The following ELMO1 variants were observed in gnomAD, a reference collection of about 807,000 sequenced individuals.
ELMO1 encodes engulfment and cell motility 1, also known as engulfment and cell motility protein 1.
A neutral mutation model predicts 98.9 loss-of-function variants in ELMO1; 26 were observed. That is an observed-to-expected ratio of 0.26 (90% CI 0.19 to 0.36). The LOEUF is 0.36. Among genes scored for constraint, ELMO1 ranks in the 10% least tolerant of loss-of-function variants. The pLI is 1.00. For missense variants in ELMO1, 627 were observed against 935.2 expected, an observed-to-expected ratio of 0.67 and a Z score of 4.30; for synonymous variants, 346 against 346.0, an observed-to-expected ratio of 1.00 and a Z score of 0.00.
chr7:36,992,419 T>C (rs545179713), intron 16 of ELMO1, among the ~76,000 whole-genome samples: 1 of 152,374 alleles, frequency 6.6e-6, no homozygotes. Context: ...GGTGAAATTC[T>C]GTGTTTATCA....
Position 37,033,061 on chromosome 7 carries a change from A to G in ELMO1, c.1301-19626T>C, listed in dbSNP as rs953583168. Among the ~76,000 whole-genome samples, 4 of 152,220 alleles carry G rather than the reference A, an allele frequency of 2.6e-5. No homozygotes were observed. In the East Asian group the frequency reaches 7.7e-4, roughly 29 times the overall value. On this transcript the variant is annotated intron_variant, in intron 15 of 21. Coordinates refer to ENST00000310758, the MANE Select transcript of ELMO1 (RefSeq NM_014800.11). ...ATATTTCTGAATGTGTTTTTCCTTC[A>G]GAATAATTTACTAGTCAGGCTCATC...
chr7:37,399,464 T>G (rs1177515383), intron 1 of ELMO1, among the ~76,000 whole-genome samples: 1 of 152,112 alleles, frequency 6.6e-6, no homozygotes, highest in Admixed American at 6.5e-5. Context: ...ACCAGGCACA[T>G]GTTATTCCTC....
intron 2 of ELMO1, among the ~76,000 whole-genome samples, chr7:37,325,322 C>T (rs75984944): frequency 0.014 from 2,075 of 152,314 alleles, 59 homozygotes; most frequent in African/African-American, 0.048. Context: ...CTCCCAGGCG[C>T]GTGGCTGCTG....
At chr7:37,304,765 T>C (rs2723996) in intron 4 of ELMO1, among the ~76,000 whole-genome samples, 69,218 of 151,996 alleles carry the variant, frequency 0.46, 16,231 homozygotes, top group Middle Eastern at 0.64. Context: ...TCACGATTTC[T>C]GTGTTGCAAG....
chr7:37,135,855 C>G (rs910913963), intron 13 of ELMO1, among the ~76,000 whole-genome samples: 1 of 152,152 alleles, frequency 6.6e-6, no homozygotes, highest in Non-Finnish European at 1.5e-5. Context: ...AGCTAACCAG[C>G]AATGGATCCA....
At chr7:36,889,096 A>G (rs1328877637) in intron 17 of ELMO1, among the ~76,000 whole-genome samples, 1 of 152,196 alleles carries the variant, frequency 6.6e-6, no homozygotes, top group African/African-American at 2.4e-5. Context: ...TACTCATGAG[A>G]AAAAAGAAAA....
chr7:37,213,302 C>A, intron 12 of ELMO1, 33 bp downstream of exon 12: 1 of 1,604,416 alleles, frequency 6.2e-7, no homozygotes, highest in Non-Finnish European at 8.5e-7. Flanking sequence ...TCTGTCCTTC[C>A]TGTGCTTTGA....
At chr7:37,380,351 A>G (rs970860509) in intron 1 of ELMO1, among the ~76,000 whole-genome samples, 2 of 152,204 alleles carry the variant, frequency 1.3e-5, no homozygotes, top group African/African-American at 4.8e-5. Context: ...GGTTTTGTTT[A>G]TCACTGACAC....
chr7:37,235,853 G>A (rs1307060029), intron 7 of ELMO1, among the ~76,000 whole-genome samples: 1 of 152,232 alleles, frequency 6.6e-6, no homozygotes, highest in African/African-American at 2.4e-5. Flanking sequence ...CCAGGAGGTG[G>A]AGGCTGCAGT....
At chr7:37,199,603 A>G (rs182670665) in intron 13 of ELMO1, among the ~76,000 whole-genome samples, 27 of 152,336 alleles carry the variant, frequency 1.8e-4, no homozygotes, top group African/African-American at 5.1e-4. Context: ...GAGTAGGAAG[A>G]AGGGAGTAAC....
chr7:36,997,446 C>T (rs1792304295), intron 16 of ELMO1, among the ~76,000 whole-genome samples: 1 of 151,952 alleles, frequency 6.6e-6, no homozygotes, highest in Admixed American at 6.6e-5. Context: ...AGGCAGGTGG[C>T]CCTTCTCATA....
chr7:37,250,158 A>C (rs1461788705), intron 6 of ELMO1, among the ~76,000 whole-genome samples: 1 of 152,238 alleles, frequency 6.6e-6, no homozygotes, highest in Admixed American at 6.5e-5. Context: ...ATAGGGAAAT[A>C]GTTCACTGTA....
At chr7:36,901,968 G>C (rs1262472119) in intron 16 of ELMO1, among the ~76,000 whole-genome samples, 1 of 152,108 alleles carries the variant, frequency 6.6e-6, no homozygotes, top group Non-Finnish European at 1.5e-5. Flanking sequence ...TGGTATTCTC[G>C]ACTCTGCCTG....
At chr7:37,193,935 G>A (rs539204949) in intron 13 of ELMO1, among the ~76,000 whole-genome samples, 67 of 152,184 alleles carry the variant, frequency 4.4e-4, no homozygotes, top group African/African-American at 1.4e-3. Flanking sequence ...GATCTCACCC[G>A]GTGCTGCCTC....
chr7:37,018,504 T>C lies in ELMO1; in HGVS notation c.1301-5069A>G, dbSNP rs554831029. ...TAGTTACTATTTTTTTTTTATGAAG[T>C]CTTGTTTTGTCGCCCAGGCTGGGGT... On this transcript the variant is annotated intron_variant, in intron 15 of 21. Transcript: ENST00000310758. Among the ~76,000 whole-genome samples, 164 of 151,496 alleles carry C rather than the reference T, an allele frequency of 1.1e-3. 1 individual carries two copies. The highest frequency in any genetic ancestry group is 5.3e-4 in the Non-Finnish European group (36 of 67,878).
intron 15 of ELMO1, among the ~76,000 whole-genome samples, chr7:37,023,480 C>A (rs1457126836): frequency 6.6e-6 from 1 of 152,108 alleles, no homozygotes; most frequent in African/African-American, 2.4e-5. Flanking sequence ...AACTACATAA[C>A]TGGTTTATGC....
At chr7:37,072,019 G>A (rs1309110639) in intron 15 of ELMO1, among the ~76,000 whole-genome samples, 1 of 152,176 alleles carries the variant, frequency 6.6e-6, no homozygotes, top group Non-Finnish European at 1.5e-5. Context: ...TGAGAATGAG[G>A]AGGAGCATTC....
In ELMO1 at chr7:36,868,348, C is replaced by CTT. The variant is rs70977202; in HGVS notation, c.1905+2043_1905+2044dup. ...TCTGCTTCTTCTTCTTCTTCTTCTT[C>CTT]TTTTTTTTTTTTTTGAGACAGAGTT... is the stretch of plus-strand genomic sequence containing the variant. On this transcript the variant is annotated intron_variant, in intron 20 of 21. Coordinates refer to ENST00000310758, the MANE Select transcript of ELMO1 (RefSeq NM_014800.11). Among the ~76,000 whole-genome samples the CTT allele has an allele frequency of 4.9e-3, 684 of 140,604 alleles. 4 individuals are homozygous for CTT. The highest frequency in any genetic ancestry group is 6.0e-3 in the Non-Finnish European group (393 of 65,408). The allele number at this position is 140,604 out of a possible 152,430, so 92.2% of individuals were successfully genotyped here.
chr7:37,005,411 G>A (rs1793007678), intron 16 of ELMO1, among the ~76,000 whole-genome samples: 1 of 152,008 alleles, frequency 6.6e-6, no homozygotes, highest in South Asian at 2.1e-4. Flanking sequence ...GCCACTACTG[G>A]CTGGGCATGG....
Sources: gnomAD v4.1 joint callset for allele counts (sites outside exome capture counted in the v4.1 genomes callset) on GRCh38, gnomAD v4.1.1 for gene constraint, MANE v1.5 for transcripts, NCBI Gene and HGNC (gene_info 2026-07-23, HGNC 2026-07-21) for gene names.